Variants in GFM2 observed in about 807,000 individuals in gnomAD.
GFM2 encodes ribosome-releasing factor 2, mitochondrial.
GFM2 carries 72 observed loss-of-function variants against 95.4 expected under a neutral mutation model. The ratio of observed to expected loss-of-function variants is 0.76; its 90% CI spans 0.62 to 0.92. The LOEUF is 0.92. GFM2 is among the 40% of genes least tolerant of loss of function. GFM2 has a pLI of 0.00. For synonymous variants in GFM2, 276 were observed against 317.5 expected (o/e 0.87, Z 1.39); for missense variants, 825 against 924.1 (o/e 0.89, Z 1.39).
Position 74,753,015 on chromosome 5 carries a change from A to G in GFM2, c.305-1522T>C, listed in dbSNP as rs6896033. Among the ~76,000 whole-genome samples, 601 of 152,216 alleles carry G rather than the reference A, an allele frequency of 3.9e-3. 2 individuals carry two copies. The highest frequency in any genetic ancestry group is 0.014 in the African/African-American group (579 of 41,548). ...AAAACAAGGTTCTTTAATCCCCCCC[A>G]CCAAAAATCACACTAGCTCACCAGC... On this transcript the variant is annotated intron_variant, in intron 5 of 20. Transcript: ENST00000296805.
intron 1 of GFM2, among the ~76,000 whole-genome samples, chr5:74,764,600 A>G (rs995320287): frequency 6.6e-6 from 1 of 152,134 alleles, no homozygotes; most frequent in Non-Finnish European, 1.5e-5. Flanking sequence ...CCAAAAGATT[A>G]GACACCCCTG....
rs187688327 is a variant in GFM2, at chr5:74,734,727, A to T, written c.1511-1629T>A. On this transcript the variant is annotated intron_variant, in intron 15 of 20. Transcript: ENST00000296805. ...TTGTGATGTTAGCATTGTAACAGGT[A>T]TCGAGGGTTATAACTGGACCATGGG... is the stretch of plus-strand genomic sequence containing the variant. 2.0e-5 allele frequency among the ~76,000 whole-genome samples: 3 copies of T among 152,336 alleles called. No homozygotes were observed. In the East Asian group the frequency reaches 5.8e-4, roughly 29 times the overall value.
chr5:74,732,186 G>A (rs563084219), intron 16 of GFM2, among the ~76,000 whole-genome samples: 1 of 134,834 alleles, frequency 7.4e-6, no homozygotes, highest in South Asian at 2.3e-4. Flanking sequence ...TGCCCAGGCT[G>A]GTCTTGAACT....
intron 5 of GFM2, 104 bp from the exon 6 acceptor site, chr5:74,751,597 T>A: frequency 1.3e-6 from 1 of 791,728 alleles, no homozygotes; most frequent in Non-Finnish European, 2.0e-6. Flanking sequence ...GAAAAATCTT[T>A]CCTAAAATAT....
chr5:74,759,401 G>T lies in GFM2; in HGVS notation c.174C>A (p.Ser58=). 6.5e-7 allele frequency: 1 copy of T among 1,533,412 alleles called. No homozygotes were observed. The highest frequency in any genetic ancestry group is 2.3e-5 in the East Asian group (1 of 44,142). The allele number at this position is 1,533,412 out of a possible 1,614,324, so 95.0% of individuals were successfully genotyped here. ...LPGLIGNDIK[S]LHSIINPPIA... is the part of the protein sequence containing the mutation. ...TGGGAGGATTGATGATGGAATGAAG[G>T]GATTTGATATCATTTCCTATTAAGC... Residue 58 remains serine (S), a synonymous_variant, in exon 4 of 21, where the codon TCC becomes TCA. Transcript: ENST00000296805.
Position 74,721,729 on chromosome 5 carries a change from C to G in GFM2, c.2266G>C (p.Glu756Gln), listed in dbSNP as rs1465267840. Reference sequence around the variant, plus strand: ...TTCATGGCTTGATAAGTAGATAGTTCTAAGGCAAAAGTAGCTGAGCCTGAT... The same window carrying G: ...TTCATGGCTTGATAAGTAGATAGTTGTAAGGCAAAAGTAGCTGAGCCTGAT... ...LTSGSATFALELSTYQAMNPQ... is the reference protein window; with the variant it reads ...LTSGSATFALQLSTYQAMNPQ... The change falls in exon 21 of 21, where the codon GAA becomes CAA. Residue 756 changes from glutamate to glutamine, a missense_variant. Glu to Gln is a conservative substitution (Grantham distance 29). Transcript: ENST00000296805. 24 of 1,613,590 alleles carry G rather than the reference C, an allele frequency of 1.5e-5. No individual in the cohort carries two copies. Among genetic ancestry groups the G allele is most frequent in the Admixed American group, 3.3e-5 (2 of 59,936 alleles).
At chr5:74,766,511 TA>T (rs1744621284) in intron 1 of GFM2, among the ~76,000 whole-genome samples, 1 of 152,184 alleles carries the variant, frequency 6.6e-6, no homozygotes, top group African/African-American at 2.4e-5. Flanking sequence ...TTCTGGTAGT[TA>T]ATTACTTCTT....
rs1257631352 is a variant in GFM2 at position 74,759,374 on chromosome 5, T to TA, written c.200dup (p.Ala68SerfsTer2). 6.6e-7 allele frequency: 1 copy of TA among 1,521,342 alleles called. No individual in the cohort carries two copies. Among genetic ancestry groups the TA allele is most frequent in the African/African-American group, 1.4e-5 (1 of 71,604 alleles). The allele number at this position is 1,521,342 out of a possible 1,614,324, so 94.2% of individuals were successfully genotyped here. A position where few individuals can be genotyped will look rare whatever the true frequency, so the allele number is the denominator to read the frequency against. On this transcript the variant is annotated frameshift_variant, in exon 4 of 21. Coordinates refer to ENST00000296805, the MANE Select transcript of GFM2 (RefSeq NM_032380.5). LOFTEE classifies it high-confidence loss of function. ...GATATAATGATAGTACTTACTTAGC[T>TA]ATGGGAGGATTGATGATGGAATGAA...
chr5:74,722,531 C>A lies in GFM2; in HGVS notation c.2059G>T (p.Glu687Ter). 6.2e-7 allele frequency: 1 copy of A among 1,612,966 alleles called. No individual in the cohort carries two copies. The highest frequency in any genetic ancestry group is 8.5e-7 in the Non-Finnish European group (1 of 1,179,602). Residue 687 changes from glutamate (E) to a stop codon, truncating the protein, a stop_gained, in exon 20 of 21, where the codon GAG becomes TAG. Coordinates refer to ENST00000296805, the MANE Select transcript of GFM2 (RefSeq NM_032380.5). LOFTEE classifies it high-confidence loss of function. Reference sequence around the variant, plus strand: ...GTAACCTCAAGATTCATCAGAGGCTCCAAAACTTGCTTATCAGCTTTCTTC... The same window carrying A: ...GTAACCTCAAGATTCATCAGAGGCTACAAAACTTGCTTATCAGCTTTCTTC... Reference protein sequence around the residue: ...ALKKADKQVLEPLMNLEVTVA... With the variant: ...ALKKADKQVL
Position 74,754,191 on chromosome 5 carries a change from A to G in GFM2, c.305-2698T>C, listed in dbSNP as rs188690700. Reference sequence around the variant, plus strand: ...GAGAACTCACCACTAGCAAGCCAGCACTACAAGAACTACTAAAAGCAGCTC... The same window carrying G: ...GAGAACTCACCACTAGCAAGCCAGCGCTACAAGAACTACTAAAAGCAGCTC... On this transcript the variant is annotated intron_variant, in intron 5 of 20. Transcript: ENST00000296805. Among the ~76,000 whole-genome samples, 6 of 152,256 alleles carry G rather than the reference A, an allele frequency of 3.9e-5. No homozygotes were observed. In the East Asian group the frequency reaches 1.2e-3, roughly 29 times the overall value.
intron 16 of GFM2, among the ~76,000 whole-genome samples, chr5:74,731,451 C>T (rs996354657): frequency 3.9e-5 from 6 of 152,142 alleles, no homozygotes; most frequent in African/African-American, 1.2e-4. Flanking sequence ...CCACCAAAGG[C>T]TCGGGTGAGC....
At chr5:74,735,074 A>G (rs1742766448) in intron 15 of GFM2, among the ~76,000 whole-genome samples, 1 of 152,186 alleles carries the variant, frequency 6.6e-6, no homozygotes, top group Non-Finnish European at 1.5e-5. Flanking sequence ...CTGCTCTTAA[A>G]TGCCTGGCCA....
intron 5 of GFM2, among the ~76,000 whole-genome samples, chr5:74,754,615 G>A (rs11952038): frequency 0.024 from 3,673 of 152,202 alleles, 154 homozygotes; most frequent in African/African-American, 0.084. Context: ...AAAAGACAAA[G>A]AGGGATATTA....
At chr5:74,722,637 A>AAAAG in intron 19 of GFM2, 76 bp from the exon 20 acceptor site, 1 of 1,187,154 alleles carries the variant, frequency 8.4e-7, no homozygotes, top group Non-Finnish European at 1.2e-6. Context: ...AGCTCATACA[A>AAAAG]AAAGACATAA....
At chr5:74,722,750 G>A in intron 19 of GFM2, 189 bp from the exon 20 acceptor site, 1 of 522,468 alleles carries the variant, frequency 1.9e-6, no homozygotes, top group South Asian at 2.7e-5. Flanking sequence ...TAGATCTTTT[G>A]TATGGTATGA....
intron 4 of GFM2, 101 bp downstream of exon 4, chr5:74,759,268 G>T (rs1337547216): frequency 4.1e-6 from 3 of 727,550 alleles, no homozygotes; most frequent in Non-Finnish European, 7.1e-6. Flanking sequence ...GGCTAGGGCA[G>T]AAAGTCATAG....
chr5:74,760,908 G>C lies in GFM2; in HGVS notation c.142C>G (p.Leu48Val), dbSNP rs1248289781. Residue 48 changes from leucine to valine, a missense_variant, in exon 3 of 21, where the codon CTA (leucine) becomes GTA (valine). Physicochemically the swap from Leu to Val is conservative, Grantham distance 32 (BLOSUM62 1). Coordinates refer to ENST00000296805, the MANE Select transcript of GFM2 (RefSeq NM_032380.5). ...HVPLGRNCSS[L>V]PGLIGNDIKS... ...AAGACTCTAACATTTGTACCTGGTA[G>C]AGAACTGCAATTTCTTCCAAGCGGC... The C allele has an allele frequency of 6.3e-7, 1 of 1,597,546 alleles. No homozygotes were observed. Among genetic ancestry groups the C allele is most frequent in the South Asian group, 1.1e-5 (1 of 89,862 alleles).
chr5:74,748,905 A>T (rs1743534857), intron 7 of GFM2, among the ~76,000 whole-genome samples: 1 of 132,410 alleles, frequency 7.6e-6, no homozygotes, highest in African/African-American at 3.1e-5. Flanking sequence ...AAAATAAAAT[A>T]AAATAAAAAA....
chr5:74,758,013 G>A (rs901313677), intron 5 of GFM2, among the ~76,000 whole-genome samples: 5 of 152,102 alleles, frequency 3.3e-5, no homozygotes, highest in Non-Finnish European at 7.4e-5. Context: ...AAGATTGGTT[G>A]CACAATAATG....
Sources: allele counts gnomAD v4.1 joint callset (sites outside exome capture counted in the v4.1 genomes callset), GRCh38; gene constraint gnomAD v4.1.1; transcripts MANE v1.5; gene names NCBI Gene and HGNC (gene_info 2026-07-23, HGNC 2026-07-21).